Variants in SLCO1B1 observed in about 807,000 individuals in gnomAD.
SLCO1B1 encodes the protein OATP-2.
SLCO1B1 carries 81 observed loss-of-function variants against 70.1 expected under a neutral mutation model. The observed-to-expected ratio is 1.16, with a 90% CI of 0.97 to 1.39. The LOEUF (loss-of-function observed/expected upper bound fraction) is 1.39. Ranked by LOEUF, SLCO1B1 falls within the 40% of genes most tolerant of loss-of-function variation. SLCO1B1 has a pLI of 0.00. For missense variants in SLCO1B1, 895 were observed against 799.6 expected, an observed-to-expected ratio of 1.12 and a Z score of -1.44; for synonymous variants, 283 against 271.5, an observed-to-expected ratio of 1.04 and a Z score of -0.42.
intron 14 of SLCO1B1, among the ~76,000 whole-genome samples, chr12:21,225,702 T>C (rs569564789): frequency 1.3e-5 from 2 of 152,314 alleles, no homozygotes; most frequent in South Asian, 4.1e-4. Context: ...CCCGAATATA[T>C]ACGGAACTCT....
intron 11 of SLCO1B1, among the ~76,000 whole-genome samples, chr12:21,214,338 G>T (rs964205688): frequency 2.0e-5 from 3 of 151,036 alleles, no homozygotes; most frequent in African/African-American, 7.4e-5. Context: ...GTGTCAGTGT[G>T]CCCCTGCTGG....
chr12:21,145,102 A>G (rs2121046875), intron 2 of SLCO1B1, among the ~76,000 whole-genome samples: 1 of 152,322 alleles, frequency 6.6e-6, no homozygotes, highest in East Asian at 1.9e-4. Flanking sequence ...GCCTACACTT[A>G]AAAGGCATAG....
chr12:21,132,320 G>A (rs892991872), intron 1 of SLCO1B1, among the ~76,000 whole-genome samples: 1 of 152,178 alleles, frequency 6.6e-6, no homozygotes. Flanking sequence ...CTTTATAGCA[G>A]CATGATTTAT....
At chr12:21,218,739 A>T (rs79494188) in intron 12 of SLCO1B1, among the ~76,000 whole-genome samples, 7,996 of 152,242 alleles carry the variant, frequency 0.053, 237 homozygotes, top group African/African-American at 0.065. Context: ...TAAACTCATG[A>T]GTTTGAAAAA....
chr12:21,186,281 T>G (rs1202318683), intron 7 of SLCO1B1, among the ~76,000 whole-genome samples: 1 of 152,122 alleles, frequency 6.6e-6, no homozygotes, highest in Admixed American at 6.6e-5. Context: ...GACTGTAATA[T>G]ATACGTTACT....
intron 10 of SLCO1B1, among the ~76,000 whole-genome samples, chr12:21,203,802 T>C (rs117863166): frequency 0.012 from 1,766 of 152,160 alleles, 19 homozygotes; most frequent in Non-Finnish European, 0.017. Context: ...TCCTTTATTA[T>C]TGAAGAGTCA....
chr12:21,174,111 C>T (rs1046924337), intron 3 of SLCO1B1, among the ~76,000 whole-genome samples: 10 of 152,034 alleles, frequency 6.6e-5, no homozygotes, highest in Admixed American at 5.9e-4. Flanking sequence ...CACCTCTGTC[C>T]ATCTATTTTT....
chr12:21,190,570 G>A (rs769240031), intron 7 of SLCO1B1, among the ~76,000 whole-genome samples: 14 of 152,198 alleles, frequency 9.2e-5, no homozygotes, highest in African/African-American at 2.2e-4. Flanking sequence ...GTTGTTTTTC[G>A]TTACATGGGT....
chr12:21,166,584 A>G lies in SLCO1B1; in HGVS notation c.85-6066A>G, dbSNP rs373591980. Reference sequence around the variant, plus strand: ...GGAATTGTAAATTAAACAATAAGCTATGTCACTGTATACTTGTTAAAAGGA... The same window carrying G: ...GGAATTGTAAATTAAACAATAAGCTGTGTCACTGTATACTTGTTAAAAGGA... On this transcript the variant is annotated intron_variant, in intron 2 of 14. Coordinates refer to ENST00000256958, the MANE Select transcript of SLCO1B1 (RefSeq NM_006446.5). Among the ~76,000 whole-genome samples the G allele has an allele frequency of 5.3e-5, 8 of 152,330 alleles. No homozygotes were observed. In the South Asian group the frequency reaches 1.7e-3, roughly 32 times the overall value.
At chr12:21,211,613 C>T (rs374677205) in intron 11 of SLCO1B1, among the ~76,000 whole-genome samples, 2,560 of 150,588 alleles carry the variant, frequency 0.017, 69 homozygotes, top group African/African-American at 0.06. Flanking sequence ...TTTCTATTGA[C>T]TGGAATAGTT....
intron 2 of SLCO1B1, among the ~76,000 whole-genome samples, chr12:21,157,600 A>AT (rs533368425): frequency 0.2 from 28,016 of 136,822 alleles, 3,267 homozygotes; most frequent in African/African-American, 0.29. Context: ...AGACTGTAAA[A>AT]TTTTTTTTTT....
At chr12:21,193,776 T>A (rs1941058121) in intron 7 of SLCO1B1, among the ~76,000 whole-genome samples, 1 of 152,052 alleles carries the variant, frequency 6.6e-6, no homozygotes, top group Non-Finnish European at 1.5e-5. Context: ...TTCCATCAGA[T>A]GTTCTAAGTC....
chr12:21,238,475 T>C (rs1380654648), intron 14 of SLCO1B1, among the ~76,000 whole-genome samples: 1 of 152,132 alleles, frequency 6.6e-6, no homozygotes, highest in African/African-American at 2.4e-5. Context: ...ATCTATGTTT[T>C]TTTTTTCACT....
intron 14 of SLCO1B1, among the ~76,000 whole-genome samples, chr12:21,230,118 G>A (rs1225769101): frequency 6.6e-6 from 1 of 152,052 alleles, no homozygotes; most frequent in Non-Finnish European, 1.5e-5. Context: ...CTATTGATGT[G>A]ATCATGTCAT....
At chr12:21,193,381 A>G (rs1941053602) in intron 7 of SLCO1B1, among the ~76,000 whole-genome samples, 1 of 152,132 alleles carries the variant, frequency 6.6e-6, no homozygotes, top group African/African-American at 2.4e-5. Flanking sequence ...TGGTATCCAT[A>G]GGGAGTCCTA....
At chr12:21,176,665 AT>A (rs1294365209) in intron 4 of SLCO1B1, 110 bp from the exon 5 acceptor site, 1 of 853,212 alleles carries the variant, frequency 1.2e-6, no homozygotes, top group Non-Finnish European at 1.9e-6. Context: ...TACTCTGGTA[AT>A]TTGGGGAAGA....
At position 21,147,305 on chromosome 12, in the gene SLCO1B1, A is replaced by G. The variant is rs1052991978; in HGVS notation, c.84+5647A>G. Reference sequence around the variant, plus strand: ...CTTCTTTACTTTTTTAAAAAATTACACTTTAAGTTCTGGGATACATGTGCA... The same window carrying G: ...CTTCTTTACTTTTTTAAAAAATTACGCTTTAAGTTCTGGGATACATGTGCA... On this transcript the variant is annotated intron_variant, in intron 2 of 14. Transcript: ENST00000256958. 2.6e-5 allele frequency among the ~76,000 whole-genome samples: 4 copies of G among 152,088 alleles called. No homozygotes were observed. In the South Asian group the frequency reaches 6.2e-4, roughly 24 times the overall value.
intron 12 of SLCO1B1, 91 bp downstream of exon 12, chr12:21,217,394 C>A: frequency 2.0e-6 from 2 of 988,282 alleles, no homozygotes; most frequent in Non-Finnish European, 3.1e-6. Flanking sequence ...ACTGGGAATT[C>A]AAATTCATAT....
rs78553268 is a variant in SLCO1B1, at chr12:21,231,764, G to T, written c.1865+6925G>T. 7.6e-3 allele frequency among the ~76,000 whole-genome samples: 1,157 copies of T among 152,028 alleles called. 12 individuals carry two copies. Among genetic ancestry groups the T allele is most frequent in the African/African-American group, 0.026 (1,078 of 41,460 alleles). ...TACACACAAACGTATATGTGTGTCTGTAAAGAGAGAGGGAGAGCGAGAGAG... is the reference window on the plus strand; with the variant it reads ...TACACACAAACGTATATGTGTGTCTTTAAAGAGAGAGGGAGAGCGAGAGAG... On this transcript the variant is annotated intron_variant, in intron 14 of 14. Coordinates refer to ENST00000256958, the MANE Select transcript of SLCO1B1 (RefSeq NM_006446.5).
Sources: gnomAD v4.1 joint callset for allele counts (sites outside exome capture counted in the v4.1 genomes callset) on GRCh38, gnomAD v4.1.1 for gene constraint, MANE v1.5 for transcripts, NCBI Gene and HGNC (gene_info 2026-07-23, HGNC 2026-07-21) for gene names.